The following HIF3A variants were observed in gnomAD, a reference collection of about 807,000 sequenced individuals.
HIF3A encodes hypoxia-inducible factor 3-alpha.
A neutral mutation model predicts 67.2 loss-of-function variants in HIF3A; 41 were observed. The observed-to-expected ratio is 0.61, with a 90% CI of 0.48 to 0.79. The LOEUF is 0.79. HIF3A is among the 30% of genes least tolerant of loss of function. The probability of loss-of-function intolerance (pLI) is 0.00; values close to 1 mark genes in which losing one functional copy is unlikely to be tolerated. For synonymous variants in HIF3A, 356 were observed against 374.8 expected (o/e 0.95, Z 0.58); for missense variants, 855 against 898.0 (o/e 0.95, Z 0.61).
intron 10 of HIF3A, among the ~76,000 whole-genome samples, chr19:46,323,746 G>A (rs190368684): frequency 1.9e-3 from 292 of 152,226 alleles, no homozygotes; most frequent in Non-Finnish European, 2.9e-3. Context: ...CAATCATGGC[G>A]GAAGGTGAAA....
intron 14 of HIF3A, 64 bp downstream of exon 14, chr19:46,335,050 A>T: frequency 1.5e-6 from 2 of 1,335,806 alleles, no homozygotes; most frequent in Non-Finnish European, 2.1e-6. Flanking sequence ...TGCGAGAGGG[A>T]TGGAGCCATT....
chr19:46,310,757 G>A, intron 6 of HIF3A: 4 of 324,736 alleles, frequency 1.2e-5, no homozygotes, highest in East Asian at 1.2e-4. Context: ...ATTACTTTTT[G>A]TTGTTGTTGT....
At position 46,304,041 on chromosome 19, in the gene HIF3A, T is replaced by G; in HGVS notation, c.170T>G (p.Met57Arg). 4.4e-6 allele frequency: 7 copies of G among 1,588,332 alleles called. No homozygotes were observed. The highest frequency in any genetic ancestry group is 2.3e-5 in the East Asian group (1 of 43,630). Reference protein sequence around the residue: ...VSAHLDKASIMRLTISYLRMH... With the variant: ...VSAHLDKASIRRLTISYLRMH... ...GCCCACCTGGACAAGGCCTCTATCA[T>G]GCGCCTCACCATCAGCTACCTGCGC... Residue 57 changes from methionine to arginine, a missense_variant, in exon 2 of 15, where the codon ATG becomes AGG. Physicochemically the swap from Met to Arg is moderately conservative, Grantham distance 91. Around this residue, in one of 3 missense-constraint regions of HIF3A, gnomAD observed 638 missense variants for 660.5 expected, o/e 0.97. Transcript: ENST00000377670.
chr19:46,333,885 C>T (rs1405147239), intron 13 of HIF3A, among the ~76,000 whole-genome samples: 4 of 148,122 alleles, frequency 2.7e-5, no homozygotes, highest in Admixed American at 6.7e-5. Context: ...CTCCATCTCC[C>T]GGGTTCACGC....
chr19:46,305,232 C>T lies in HIF3A; in HGVS notation c.218-13C>T. 1 of 1,613,710 alleles carries T rather than the reference C, an allele frequency of 6.2e-7. No individual in the cohort carries two copies. Reference sequence around the variant, plus strand: ...GACTAGAGATGCCCCCATCCCCCTGCCCCGGGCACCAGGGGAGTGGAACCA... The same window carrying T: ...GACTAGAGATGCCCCCATCCCCCTGTCCCGGGCACCAGGGGAGTGGAACCA... On this transcript the variant is annotated splice_polypyrimidine_tract_variant and intron_variant, in intron 2 of 14. Transcript: ENST00000377670.
rs1433271153 is a variant in HIF3A at position 46,324,931 on chromosome 19, CAT to C, written c.1336-594_1336-593del. Among the ~76,000 whole-genome samples, 769 of 140,264 alleles carry C rather than the reference CAT, an allele frequency of 5.5e-3. 9 individuals are homozygous for C. Among genetic ancestry groups the C allele is most frequent in the African/African-American group, 0.018 (703 of 38,290 alleles). 92.0% of individuals were successfully genotyped at this position (140,264 alleles called of 152,430 possible). A position where few individuals can be genotyped will look rare whatever the true frequency, so the allele number is the denominator to read the frequency against. ...ATACACACACACATATATATATACA[CAT>C]ATATATATACATATATATATATATA... On this transcript the variant is annotated intron_variant, in intron 10 of 14. Coordinates refer to ENST00000377670, the MANE Select transcript of HIF3A (RefSeq NM_152795.4).
chr19:46,309,002 G>A, intron 5 of HIF3A, 149 bp from the exon 6 acceptor site: 3 of 725,914 alleles, frequency 4.1e-6, no homozygotes, highest in Admixed American at 2.9e-5. Context: ...TGGGCCTGGG[G>A]CTGGGGATCC....
chr19:46,311,116 T>G (rs113197870), intron 6 of HIF3A, among the ~76,000 whole-genome samples: 34 of 152,216 alleles, frequency 2.2e-4, no homozygotes, highest in Non-Finnish European at 4.0e-4. Flanking sequence ...TTTCTTCCCC[T>G]CTCTTCCTCT....
At chr19:46,303,679 A>C in intron 1 of HIF3A, 3 of 1,587,646 alleles carry the variant, frequency 1.9e-6, no homozygotes, top group Non-Finnish European at 2.6e-6. Context: ...TGGACTGGCA[A>C]GACCACAGGT....
chr19:46,324,589 C>T (rs947441831), intron 10 of HIF3A, among the ~76,000 whole-genome samples: 3 of 151,506 alleles, frequency 2.0e-5, no homozygotes, highest in African/African-American at 7.3e-5. Context: ...TGCGGTGGCT[C>T]ATGCCTGTAC....
In HIF3A at chr19:46,309,471, ATC is replaced by A. The variant is rs201943104; in HGVS notation, c.770+124_770+125del. 1,616 of 626,704 alleles carry A rather than the reference ATC, an allele frequency of 2.6e-3. 5 individuals are homozygous for A. The highest frequency in any genetic ancestry group is 8.6e-3 in the African/African-American group (432 of 50,360). 38.8% of individuals were successfully genotyped at this position (626,704 alleles called of 1,614,324 possible). A position where few individuals can be genotyped will look rare whatever the true frequency, so the allele number is the denominator to read the frequency against. ...TCTCTCTCTCTCTCTCACTTCATCC[ATC>A]TCTCTCTCTCTTTGTGTGCCTGCCT... is the stretch of plus-strand genomic sequence containing the variant. On this transcript the variant is annotated intron_variant, in intron 6 of 14. Coordinates refer to ENST00000377670, the MANE Select transcript of HIF3A (RefSeq NM_152795.4).
At chr19:46,334,426 G>T (rs1478971556) in intron 13 of HIF3A, among the ~76,000 whole-genome samples, 1 of 152,106 alleles carries the variant, frequency 6.6e-6, no homozygotes, top group Non-Finnish European at 1.5e-5. Flanking sequence ...TAGAGATAGG[G>T]TCTCATTATG....
rs1261243203 is a variant in HIF3A at position 46,329,436 on chromosome 19, G to A, written c.1670G>A (p.Gly557Glu). ...PRLSCSSPSR[G>E]DPSASSPMAG... ...CTGAGCTGCTCCAGCCCTTCCAGAGGGGACCCCTCAGCATCCTCTCCCATG... is the reference window on the plus strand; with the variant it reads ...CTGAGCTGCTCCAGCCCTTCCAGAGAGGACCCCTCAGCATCCTCTCCCATG... Residue 557 changes from glycine (G) to glutamate (E), a missense_variant, in exon 12 of 15, where the codon GGG becomes GAG. Coordinates refer to ENST00000377670, the MANE Select transcript of HIF3A (RefSeq NM_152795.4). 6.4e-7 allele frequency: 1 copy of A among 1,569,594 alleles called. No individual in the cohort carries two copies. Among genetic ancestry groups the A allele is most frequent in the African/African-American group, 1.4e-5 (1 of 73,698 alleles).
Position 46,308,240 on chromosome 19 carries a change from G to A in HIF3A, c.383G>A (p.Ser128Asn). 6.2e-7 allele frequency: 1 copy of A among 1,613,886 alleles called. No homozygotes were observed. The highest frequency in any genetic ancestry group is 8.5e-7 in the Non-Finnish European group (1 of 1,179,844). ...GLSQLELIGH[S>N]IFDFIHPCDQ... is the part of the protein sequence containing the mutation. ...TGGCAGCTGGAGCTCATTGGACACA[G>A]CATCTTTGATTTCATCCACCCCTGT... Residue 128 changes from serine (S) to asparagine (N), a missense_variant, in exon 4 of 15, where the codon AGC becomes AAC. Around this residue, in one of 3 missense-constraint regions of HIF3A, gnomAD observed 638 missense variants for 660.5 expected, o/e 0.97. Coordinates refer to ENST00000377670, the MANE Select transcript of HIF3A (RefSeq NM_152795.4).
intron 1 of HIF3A, among the ~76,000 whole-genome samples, chr19:46,298,738 G>C (rs1479801361): frequency 6.6e-6 from 1 of 152,120 alleles, no homozygotes; most frequent in Non-Finnish European, 1.5e-5. Flanking sequence ...GGGGCAGAGA[G>C]ACTCCCCCAG....
At chr19:46,310,582 T>C (rs939738794) in intron 6 of HIF3A, 16 of 456,076 alleles carry the variant, frequency 3.5e-5, no homozygotes, top group Non-Finnish European at 7.1e-5. Flanking sequence ...GTGTCAGTCT[T>C]GGCTGTGTAT....
At chr19:46,335,193 C>T (rs1351292257) in intron 14 of HIF3A, among the ~76,000 whole-genome samples, 3 of 152,100 alleles carry the variant, frequency 2.0e-5, no homozygotes, top group Admixed American at 2.0e-4. Context: ...CCAAGGCTGC[C>T]TTTTGGGGTG....
intron 14 of HIF3A, chr19:46,338,153 AGCACCTG>A: frequency 2.2e-6 from 1 of 453,610 alleles, no homozygotes; most frequent in South Asian, 1.6e-5. Flanking sequence ...CTGTGTCTCT[AGCACCTG>A]GCACAGTGCC....
chr19:46,321,178 G>C (rs1970331398), intron 9 of HIF3A, among the ~76,000 whole-genome samples: 1 of 152,186 alleles, frequency 6.6e-6, no homozygotes, highest in South Asian at 2.1e-4. Context: ...CTTGGGGCCA[G>C]TCTTTTCTCC....
Sources: allele counts gnomAD v4.1 joint callset (sites outside exome capture counted in the v4.1 genomes callset), GRCh38; gene constraint gnomAD v4.1.1; regional missense constraint gnomAD v4.1.1; transcripts MANE v1.5; gene names NCBI Gene and HGNC (gene_info 2026-07-23, HGNC 2026-07-21).